NHERF4: variants seen among roughly 807,000 people sequenced by gnomAD.
NHERF4 encodes the protein NHERF family PDZ scaffold protein 4.
the NHERF4 span, chr11:119,190,187 T>A: frequency 1.8e-6 from 2 of 1,088,422 alleles, no homozygotes; most frequent in South Asian, 1.8e-5. The surrounding 1 kb of genome is among the most constrained non-coding windows in gnomAD (Gnocchi z 4.2). Context: ...AGAAGAAAAC[T>A]AAATAAAAAT....
At chr11:119,186,645 C>A in the NHERF4 span, 1 of 1,612,012 alleles carries the variant, frequency 6.2e-7, no homozygotes, top group Non-Finnish European at 8.5e-7. This position sits in a 1 kb window ranked among gnomAD's most constrained non-coding sequence, Gnocchi z 4.4. Context: ...GAGACAGGAT[C>A]CTGGCGGTGA....
At chr11:119,188,111 C>A in the NHERF4 span, 1 of 1,548,588 alleles carries the variant, frequency 6.5e-7, no homozygotes, top group Non-Finnish European at 8.7e-7. Flanking sequence ...TGGGTTCCTG[C>A]TCCGGGAGGA....
At chr11:119,186,423 T>A in the NHERF4 span, 2 of 1,599,194 alleles carry the variant, frequency 1.3e-6, no homozygotes, top group Non-Finnish European at 1.7e-6. This position sits in a 1 kb window ranked among gnomAD's most constrained non-coding sequence, Gnocchi z 4.4. Flanking sequence ...ACGGCGAACC[T>A]GTACTTGGGC....
At chr11:119,187,199 G>A in the NHERF4 span, 1 of 1,238,800 alleles carries the variant, frequency 8.1e-7, no homozygotes, top group African/African-American at 1.6e-5. Flanking sequence ...AAAAAATGTG[G>A]ATTCCAGGGA....
chr11:119,186,142 T>C, the NHERF4 span: 4 of 1,614,140 alleles, frequency 2.5e-6, no homozygotes, highest in East Asian at 2.2e-5. The surrounding 1 kb of genome is among the most constrained non-coding windows in gnomAD (Gnocchi z 4.4). Flanking sequence ...GTCCTCTCCC[T>C]GGCCGAAGAC....
chr11:119,186,200 C>G, the NHERF4 span: 1 of 1,614,154 alleles, frequency 6.2e-7, no homozygotes. This position sits in a 1 kb window ranked among gnomAD's most constrained non-coding sequence, Gnocchi z 4.4. Context: ...CATTCCCTAT[C>G]CCTGGAGGCA....
the NHERF4 span, chr11:119,189,917 G>C: frequency 3.0e-6 from 1 of 333,834 alleles, no homozygotes; most frequent in African/African-American, 2.1e-5. The surrounding 1 kb of genome is among the most constrained non-coding windows in gnomAD (Gnocchi z 5.8). Context: ...GGTCACCGTT[G>C]CATTTGTTAT....
At chr11:119,187,221 T>G in the NHERF4 span, 10 of 1,418,116 alleles carry the variant, frequency 7.1e-6, no homozygotes, top group South Asian at 3.1e-5. Context: ...GTCCTGGGGG[T>G]TGGCAAGAGG....
chr11:119,188,989 GC>G, the NHERF4 span: 4 of 1,613,964 alleles, frequency 2.5e-6, no homozygotes, highest in Non-Finnish European at 3.4e-6. Flanking sequence ...TGTTCTGCAT[GC>G]CCCCACAACA....
At chr11:119,186,652 G>A in the NHERF4 span, 6 of 1,610,982 alleles carry the variant, frequency 3.7e-6, no homozygotes, top group South Asian at 4.4e-5. The surrounding 1 kb of genome is among the most constrained non-coding windows in gnomAD (Gnocchi z 4.4). Flanking sequence ...GATCCTGGCG[G>A]TGAACAATGA....
At chr11:119,188,126 G>C in the NHERF4 span, 559 of 1,546,092 alleles carry the variant, frequency 3.6e-4, 3 homozygotes, top group East Asian at 8.7e-3. Flanking sequence ...GGAGGAAAAG[G>C]GCCTTGACGG....
chr11:119,189,419 T>C, the NHERF4 span: 2 of 1,610,544 alleles, frequency 1.2e-6, no homozygotes, highest in Admixed American at 1.7e-5. This position sits in a 1 kb window ranked among gnomAD's most constrained non-coding sequence, Gnocchi z 5.8. Context: ...GGAACTCTTC[T>C]GGGTCCCACC....
At chr11:119,187,924 T>A in the NHERF4 span, 2 of 1,535,302 alleles carry the variant, frequency 1.3e-6, no homozygotes, top group Admixed American at 4.1e-5. Context: ...ACTGATGCCC[T>A]GCTGGGTCCC....
At chr11:119,188,696 G>T in the NHERF4 span, 7 of 1,614,166 alleles carry the variant, frequency 4.3e-6, no homozygotes, top group Admixed American at 1.2e-4. Flanking sequence ...CCTCGCCCCG[G>T]GGCAGCAGCT....
chr11:119,188,738 A>C, the NHERF4 span: 1 of 1,614,146 alleles, frequency 6.2e-7, no homozygotes. Context: ...AGGACCCTTC[A>C]CTTGAAGACA....
At chr11:119,186,579 TGTG>T in the NHERF4 span, 12 of 1,613,944 alleles carry the variant, frequency 7.4e-6, no homozygotes, top group Admixed American at 3.3e-5. The surrounding 1 kb of genome is among the most constrained non-coding windows in gnomAD (Gnocchi z 4.4). Context: ...GGGCTGGGCA[TGTG>T]GTGTGCAGGG....
chr11:119,186,274 G>A, the NHERF4 span: 2 of 1,611,270 alleles, frequency 1.2e-6, no homozygotes, highest in Non-Finnish European at 1.7e-6. This position sits in a 1 kb window ranked among gnomAD's most constrained non-coding sequence, Gnocchi z 4.4. Context: ...TCTGATAACA[G>A]CCTTGGTTGG....
At chr11:119,188,965 C>A in the NHERF4 span, 1 of 1,612,732 alleles carries the variant, frequency 6.2e-7, no homozygotes, top group East Asian at 2.2e-5. Flanking sequence ...AGCAAACTTT[C>A]CCCCGGTGTC....
At chr11:119,188,798 T>C in the NHERF4 span, 29 of 1,614,196 alleles carry the variant, frequency 1.8e-5, no homozygotes, top group Admixed American at 1.7e-5. Context: ...TCCTGTACCC[T>C]GGGCCTGGTG....
Sources: allele counts gnomAD v4.1 joint callset, GRCh38; gene constraint gnomAD v4.1.1; non-coding constraint Gnocchi (gnomAD v3.1); transcripts MANE v1.5; gene names NCBI Gene and HGNC (gene_info 2026-07-23, HGNC 2026-07-21).